LDB2: variants seen among roughly 807,000 people sequenced by gnomAD.
LDB2 encodes the protein LIM domain binding 2.
A neutral mutation model predicts 44.3 loss-of-function variants in LDB2; 12 were observed. That is an observed-to-expected ratio of 0.27 (90% confidence interval 0.17 to 0.44). The LOEUF is 0.44. Among genes scored for constraint, LDB2 ranks in the 20% least tolerant of loss-of-function variants. The pLI, the probability that LDB2 is intolerant of heterozygous loss-of-function variation, is 1.00. For synonymous variants in LDB2, 164 were observed against 174.8 expected, an observed-to-expected ratio of 0.94 and a Z score of 0.49; for missense variants, 344 against 473.5, an observed-to-expected ratio of 0.73 and a Z score of 2.54.
At chr4:16,730,073 C>T (rs1324630129) in intron 2 of LDB2, among the ~76,000 whole-genome samples, 3 of 152,128 alleles carry the variant, frequency 2.0e-5, no homozygotes, top group African/African-American at 7.2e-5. Context: ...CTGTTCTATT[C>T]TATTCTGTTT....
intron 5 of LDB2, among the ~76,000 whole-genome samples, chr4:16,512,450 CAAAACA>C (rs1194575469): frequency 1.6e-5 from 2 of 125,720 alleles, no homozygotes; most frequent in South Asian, 2.6e-4. Context: ...TAAAAACAAA[CAAAACA>C]AAACAAAAAC....
At chr4:16,814,952 C>T (rs1780639109) in intron 1 of LDB2, among the ~76,000 whole-genome samples, 1 of 152,174 alleles carries the variant, frequency 6.6e-6, no homozygotes, top group Non-Finnish European at 1.5e-5. Flanking sequence ...GCAAAAGTAT[C>T]TTCCTTTTAA....
At position 16,595,779 on chromosome 4, in the gene LDB2, T is replaced by C. The variant is rs139918314; in HGVS notation, c.332A>G (p.Tyr111Cys). 3.5e-5 allele frequency: 56 copies of C among 1,613,690 alleles called. No individual in the cohort carries two copies. The highest frequency in any genetic ancestry group is 4.4e-5 in the Non-Finnish European group (52 of 1,179,860). Reference protein sequence around the residue: ...YYILKHSKESYHNSSITVDCD... With the variant: ...YYILKHSKESCHNSSITVDCD... ...GTCCACCGTGATGGATGAGTTGTGG[T>C]ATGACTCTTTCGAGTGTTTGAGAAT... Residue 111 changes from tyrosine (Y) to cysteine (C), a missense_variant, in exon 3 of 8, where the codon TAC becomes TGC. Tyr to Cys is a radical substitution (Grantham distance 194). Coordinates refer to ENST00000304523, the MANE Select transcript of LDB2 (RefSeq NM_001290.5).
intron 2 of LDB2, among the ~76,000 whole-genome samples, chr4:16,602,450 G>A (rs1722824171): frequency 6.6e-6 from 1 of 152,116 alleles, no homozygotes; most frequent in South Asian, 2.1e-4. Flanking sequence ...GTGGTAGGAG[G>A]GTGGTCAAAG....
intron 2 of LDB2, among the ~76,000 whole-genome samples, chr4:16,664,653 A>G (rs574038469): frequency 9.5e-4 from 144 of 152,334 alleles, no homozygotes; most frequent in Non-Finnish European, 1.7e-3. Context: ...TACTAAAAAA[A>G]TCTCCCTATT....
At chr4:16,734,601 T>C (rs1178911196) in intron 2 of LDB2, among the ~76,000 whole-genome samples, 4 of 152,066 alleles carry the variant, frequency 2.6e-5, no homozygotes, top group African/African-American at 7.2e-5. Flanking sequence ...AAGCACCCTC[T>C]TCCCTTCCTC....
intron 5 of LDB2, among the ~76,000 whole-genome samples, chr4:16,516,056 C>T (rs745399873): frequency 5.0e-4 from 76 of 151,514 alleles, no homozygotes; most frequent in Middle Eastern, 3.4e-3. Context: ...TTAGTAGAGA[C>T]GGGATTTCAC....
At chr4:16,614,799 G>A (rs1267370071) in intron 2 of LDB2, among the ~76,000 whole-genome samples, 4 of 151,746 alleles carry the variant, frequency 2.6e-5, no homozygotes, top group African/African-American at 4.8e-5. Flanking sequence ...GGCCGGGCGC[G>A]GTGGCTCACG....
chr4:16,871,651 G>A (rs545973718), intron 1 of LDB2, among the ~76,000 whole-genome samples: 34 of 134,284 alleles, frequency 2.5e-4, no homozygotes, highest in African/African-American at 8.0e-4. Context: ...ACAGACTCTC[G>A]CTCTGTCACC....
At position 16,602,601 on chromosome 4, in the gene LDB2, ACT is replaced by A. The variant is rs550438084; in HGVS notation, c.236-6728_236-6727del. On this transcript the variant is annotated intron_variant, in intron 2 of 7. Coordinates refer to ENST00000304523, the MANE Select transcript of LDB2 (RefSeq NM_001290.5). ...AAGATTTTAGCCAATGATATAATTT[ACT>A]CTGTTTTTCCTAAATGCATTTTCCA... Among the ~76,000 whole-genome samples the A allele has an allele frequency of 1.4e-3, 210 of 152,196 alleles. 1 individual carries two copies. The highest frequency in any genetic ancestry group is 4.8e-3 in the African/African-American group (199 of 41,524).
intron 1 of LDB2, among the ~76,000 whole-genome samples, chr4:16,766,468 A>ATGTGTGTGTG (rs1218763626): frequency 0.013 from 524 of 41,286 alleles, 9 homozygotes; most frequent in African/African-American, 0.021. Flanking sequence ...ACACACATAT[A>ATGTGTGTGTG]TGTGTGTGTG....
chr4:16,856,047 A>T (rs1406768741), intron 1 of LDB2, among the ~76,000 whole-genome samples: 1 of 152,210 alleles, frequency 6.6e-6, no homozygotes, highest in Non-Finnish European at 1.5e-5. Flanking sequence ...TTTCCAGAGT[A>T]TTCCTTTCTT....
chr4:16,868,326 C>G (rs1233639300), intron 1 of LDB2, among the ~76,000 whole-genome samples: 2 of 152,150 alleles, frequency 1.3e-5, no homozygotes, highest in Non-Finnish European at 2.9e-5. Flanking sequence ...TTTTATTGTT[C>G]CAACATCACA....
intron 5 of LDB2, among the ~76,000 whole-genome samples, chr4:16,575,540 G>C (rs1747990240): frequency 6.6e-6 from 1 of 152,054 alleles, no homozygotes; most frequent in Non-Finnish European, 1.5e-5. Flanking sequence ...CTCAAGGATT[G>C]GCCATACGTT....
chr4:16,627,844 A>T (rs114134355), intron 2 of LDB2, among the ~76,000 whole-genome samples: 2,042 of 152,316 alleles, frequency 0.013, 48 homozygotes, highest in African/African-American at 0.046. Context: ...ATCATGGGTG[A>T]CTTAGCACAT....
chr4:16,887,406 T>C (rs1324988003), intron 1 of LDB2, among the ~76,000 whole-genome samples: 1 of 152,168 alleles, frequency 6.6e-6, no homozygotes. Context: ...TTGGGACTAG[T>C]AGGTTCCATC....
chr4:16,719,094 A>AC lies in LDB2; in HGVS notation c.235+40063_235+40064insG, dbSNP rs1478658730. On this transcript the variant is annotated intron_variant, in intron 2 of 7. Transcript: ENST00000304523. ...CCAAATGCAAAAGAAGAAAAAAAAA[A>AC]ACCTATTTTCTACTCAGTGGACAAA... is the stretch of plus-strand genomic sequence containing the variant. 3.9e-5 allele frequency among the ~76,000 whole-genome samples: 6 copies of AC among 151,968 alleles called. No individual in the cohort carries two copies. The South Asian group carries it at 6.2e-4, about 16-fold the overall frequency.
At chr4:16,643,629 G>A (rs1735836090) in intron 2 of LDB2, among the ~76,000 whole-genome samples, 1 of 152,076 alleles carries the variant, frequency 6.6e-6, no homozygotes, top group Non-Finnish European at 1.5e-5. Context: ...ATTATTTCAA[G>A]CTAATAAAAT....
At chr4:16,765,083 G>A (rs899921925) in intron 1 of LDB2, among the ~76,000 whole-genome samples, 5 of 152,154 alleles carry the variant, frequency 3.3e-5, no homozygotes, top group African/African-American at 9.7e-5. Context: ...TATAGCACAC[G>A]CTCTTAAAAC....
Sources: gnomAD v4.1 joint callset for allele counts (sites outside exome capture counted in the v4.1 genomes callset) on GRCh38, gnomAD v4.1.1 for gene constraint, MANE v1.5 for transcripts, NCBI Gene and HGNC (gene_info 2026-07-23, HGNC 2026-07-21) for gene names.